CIPC: variants seen among roughly 807,000 people sequenced by gnomAD.
The protein encoded by CIPC is CLOCK-interacting pacemaker.
Under a neutral mutation model 26.7 loss-of-function variants are expected in CIPC, and 12 were observed. That is an observed-to-expected ratio of 0.45 (90% CI 0.29 to 0.73). The LOEUF is 0.73. Ranked by LOEUF, CIPC falls within the 30% of genes least tolerant of loss-of-function variation. The probability of loss-of-function intolerance (pLI) is 0.12; values close to 1 mark genes in which losing one functional copy is unlikely to be tolerated. For missense variants in CIPC, 417 were observed against 486.5 expected, an observed-to-expected ratio of 0.86 and a Z score of 1.34; for synonymous variants, 170 against 189.8, an observed-to-expected ratio of 0.90 and a Z score of 0.86.
intron 2 of CIPC, 47 bp downstream of exon 2, chr14:77,105,891 C>A (rs113899918): frequency 3.7e-6 from 6 of 1,603,314 alleles, no homozygotes; most frequent in East Asian, 4.5e-5. Context: ...GAATGCTTTG[C>A]GTGAAAAATT....
intron 1 of CIPC, among the ~76,000 whole-genome samples, chr14:77,100,522 C>A (rs113106908): frequency 6.7e-6 from 1 of 149,620 alleles, no homozygotes; most frequent in Non-Finnish European, 1.5e-5. Context: ...GGATTATAGA[C>A]GTGAGCCACC....
intron 3 of CIPC, among the ~76,000 whole-genome samples, chr14:77,111,051 G>A (rs1433121027): frequency 1.3e-5 from 2 of 152,194 alleles, no homozygotes; most frequent in Admixed American, 6.5e-5. Flanking sequence ...GAAAGGAAAA[G>A]AAAGAATAGA....
chr14:77,103,784 C>T (rs1308496544), intron 1 of CIPC, among the ~76,000 whole-genome samples: 1 of 152,184 alleles, frequency 6.6e-6, no homozygotes, highest in Non-Finnish European at 1.5e-5. Context: ...AGGATCTCCA[C>T]TTAGATGACC....
rs1355723104 is a variant in CIPC at position 77,117,251 on chromosome 14, T to C, written c.*2933T>C. On this transcript the variant is annotated 3_prime_UTR_variant, in exon 4 of 4. Transcript: ENST00000361786. ...AGTTTTGCAGAAATTGACTGTGAAA[T>C]GTCAGAGAAAAATAAAAGTCACTTA... The C allele has an allele frequency of 2.0e-5, 3 of 152,650 alleles. No individual in the cohort carries two copies. The highest frequency in any genetic ancestry group is 4.4e-5 in the Non-Finnish European group (3 of 68,040). The allele number at this position is 152,650 out of a possible 1,614,324, so 9.5% of individuals were successfully genotyped here.
chr14:77,111,471 T>C (rs2140034223), intron 3 of CIPC, among the ~76,000 whole-genome samples: 1 of 152,368 alleles, frequency 6.6e-6, no homozygotes, highest in South Asian at 2.1e-4. Context: ...TTTAAAACTC[T>C]GCATGTTGTG....
At position 77,113,814 on chromosome 14, in the gene CIPC, C is replaced by G. The variant is rs1222219191; in HGVS notation, c.696C>G (p.Pro232=). The G allele has an allele frequency of 6.2e-7, 1 of 1,614,060 alleles. No individual in the cohort carries two copies. The highest frequency in any genetic ancestry group is 8.5e-7 in the Non-Finnish European group (1 of 1,180,042). The change falls in exon 4 of 4, where the codon CCC becomes CCG. Residue 232 remains proline (P), a synonymous_variant. Coordinates refer to ENST00000361786, the MANE Select transcript of CIPC (RefSeq NM_033426.3). ...LAEDSALQGV[P]SLVAGGSPQT... ...AGGACTCAGCTCTGCAGGGTGTGCC[C>G]TCTCTGGTGGCAGGTGGAAGTCCAC...
At chr14:77,103,981 C>G (rs1033408131) in intron 1 of CIPC, among the ~76,000 whole-genome samples, 1 of 152,148 alleles carries the variant, frequency 6.6e-6, no homozygotes, top group African/African-American at 2.4e-5. Context: ...CTGCCACCAC[C>G]TTAATTCACC....
Position 77,105,748 on chromosome 14 carries a change from C to G in CIPC, c.40C>G (p.Leu14Val), listed in dbSNP as rs766245014. ...CCCATCCAGAGAGAGCCCCAGAAGA[C>G]TCTCTGCCAAAGTAGGCAAAGGCAC... Reference protein sequence around the residue: ...KNPSRESPRRLSAKVGKGTEM... With the variant: ...KNPSRESPRRVSAKVGKGTEM... The change falls in exon 2 of 4, where the codon CTC (leucine) becomes GTC (valine). Residue 14 changes from leucine to valine, a missense_variant. Physicochemically the swap from Leu to Val is conservative, Grantham distance 32. Transcript: ENST00000361786. 19 of 1,614,034 alleles carry G rather than the reference C, an allele frequency of 1.2e-5. No homozygotes were observed. The highest frequency in any genetic ancestry group is 1.6e-5 in the Non-Finnish European group (19 of 1,179,988).
At position 77,115,994 on chromosome 14, in the gene CIPC, C is replaced by G. The variant is rs17811712; in HGVS notation, c.*1676C>G. On this transcript the variant is annotated 3_prime_UTR_variant, in exon 4 of 4. Coordinates refer to ENST00000361786, the MANE Select transcript of CIPC (RefSeq NM_033426.3). ...AGCCACCACGCTCAGCTCAGCTTCA[C>G]CCTGTCTGCAAAGAAAAGTTTTACC... is the stretch of plus-strand genomic sequence containing the variant. 3 of 152,062 alleles carry G rather than the reference C, an allele frequency of 2.0e-5. No individual in the cohort carries two copies. The highest frequency in any genetic ancestry group is 2.9e-5 in the Non-Finnish European group (2 of 68,014). The allele number at this position is 152,062 out of a possible 1,614,324, so 9.4% of individuals were successfully genotyped here.
At chr14:77,104,452 C>T (rs1204763963) in intron 1 of CIPC, among the ~76,000 whole-genome samples, 1 of 152,218 alleles carries the variant, frequency 6.6e-6, no homozygotes, top group Non-Finnish European at 1.5e-5. Context: ...TCTTCCATGG[C>T]TTCCCATTGC....
Position 77,113,624 on chromosome 14 carries a change from A to G in CIPC, c.506A>G (p.Lys169Arg). 6.2e-7 allele frequency: 1 copy of G among 1,614,250 alleles called. No individual in the cohort carries two copies. Among genetic ancestry groups the G allele is most frequent in the African/African-American group, 1.3e-5 (1 of 75,068 alleles). The change falls in exon 4 of 4, where the codon AAA (lysine) becomes AGA (arginine). Residue 169 changes from lysine (K) to arginine (R), a missense_variant. Lys to Arg is a conservative substitution (Grantham distance 26, BLOSUM62 2). Transcript: ENST00000361786. ...ACCAAAATAGCCCCACATCCAGGCA[A>G]AAGGGGCCTTTCCCTTGGCCCAGAA... is the stretch of plus-strand genomic sequence containing the variant. ...SYTKIAPHPG[K>R]RGLSLGPEEK...
chr14:77,107,489 AT>A (rs1281600190), intron 2 of CIPC, among the ~76,000 whole-genome samples: 1 of 152,144 alleles, frequency 6.6e-6, no homozygotes, highest in Non-Finnish European at 1.5e-5. Context: ...GTAGGATGAA[AT>A]TTGCAAAATC....
At chr14:77,101,390 T>C (rs1342542883) in intron 1 of CIPC, among the ~76,000 whole-genome samples, 2 of 152,228 alleles carry the variant, frequency 1.3e-5, no homozygotes, top group East Asian at 3.8e-4. Flanking sequence ...GCTGCAATGC[T>C]AAGGCTTTTT....
At chr14:77,111,126 G>C (rs1886691422) in intron 3 of CIPC, among the ~76,000 whole-genome samples, 1 of 152,162 alleles carries the variant, frequency 6.6e-6, no homozygotes, top group African/African-American at 2.4e-5. Flanking sequence ...CTTCTCCTGG[G>C]CTTCCTTTCT....
intron 3 of CIPC, among the ~76,000 whole-genome samples, chr14:77,112,963 C>T (rs900523036): frequency 2.6e-5 from 4 of 152,184 alleles, no homozygotes; most frequent in African/African-American, 7.2e-5. Flanking sequence ...CCACCTCCCT[C>T]AGCCTCCCAA....
rs1330529174 is a variant in CIPC, at chr14:77,114,368, C to T, written c.*50C>T. Reference sequence around the variant, plus strand: ...TTGAGTGGTTCTTTTAGCTCATTTGCTGTTACCTACTCCTGTTTCCCAAAG... The same window carrying T: ...TTGAGTGGTTCTTTTAGCTCATTTGTTGTTACCTACTCCTGTTTCCCAAAG... On this transcript the variant is annotated 3_prime_UTR_variant, in exon 4 of 4. Transcript: ENST00000361786. 36 of 1,495,472 alleles carry T rather than the reference C, an allele frequency of 2.4e-5. No individual in the cohort carries two copies. Among genetic ancestry groups the T allele is most frequent in the Middle Eastern group, 2.4e-4 (1 of 4,142 alleles). The allele number at this position is 1,495,472 out of a possible 1,614,324, so 92.6% of individuals were successfully genotyped here. A position where few individuals can be genotyped will look rare whatever the true frequency, so the allele number is the denominator to read the frequency against.
intron 1 of CIPC, among the ~76,000 whole-genome samples, chr14:77,100,929 A>G (rs1886471119): frequency 6.6e-6 from 1 of 152,174 alleles, no homozygotes; most frequent in South Asian, 2.1e-4. Context: ...CTTTTGGACA[A>G]TGTGTTACAT....
chr14:77,106,841 A>C (rs1378859077), intron 2 of CIPC, among the ~76,000 whole-genome samples: 1 of 152,224 alleles, frequency 6.6e-6, no homozygotes, highest in African/African-American at 2.4e-5. Context: ...CCAAGGGATT[A>C]GATTAAAAGG....
chr14:77,110,914 A>G (rs188334199), intron 3 of CIPC, among the ~76,000 whole-genome samples: 8 of 152,328 alleles, frequency 5.3e-5, no homozygotes, highest in Admixed American at 4.6e-4. Flanking sequence ...TGTCTTAGCT[A>G]TTACCTAGTT....
Sources: allele counts gnomAD v4.1 joint callset (sites outside exome capture counted in the v4.1 genomes callset), GRCh38; gene constraint gnomAD v4.1.1; transcripts MANE v1.5; gene names NCBI Gene and HGNC (gene_info 2026-07-23, HGNC 2026-07-21).